Variants in MRE11 observed in about 807,000 individuals in gnomAD.
MRE11 encodes the protein MRE11 double strand break repair nuclease.
A neutral mutation model predicts 91.7 loss-of-function variants in MRE11; 62 were observed. The ratio of observed to expected loss-of-function variants is 0.68; its 90% CI spans 0.55 to 0.84. MRE11 has a LOEUF of 0.84. Among genes scored for constraint, MRE11 ranks in the 40% least tolerant of loss-of-function variants. MRE11 has a pLI of 0.00. For missense variants in MRE11, 796 were observed against 852.9 expected (o/e 0.93, Z 0.83); for synonymous variants, 273 against 271.4 (o/e 1.01, Z -0.06).
intron 18 of MRE11, among the ~76,000 whole-genome samples, chr11:94,433,917 A>G (rs1190182652): frequency 6.6e-6 from 1 of 152,190 alleles, no homozygotes; most frequent in African/African-American, 2.4e-5. Context: ...GAGGCTTTCC[A>G]TGACCATCCT....
intron 2 of MRE11, among the ~76,000 whole-genome samples, chr11:94,492,278 G>C (rs141470323): frequency 4.8e-4 from 73 of 152,272 alleles, no homozygotes; most frequent in African/African-American, 1.7e-3. Flanking sequence ...AGTAGAGACG[G>C]GGTTTCACCA....
At chr11:94,491,178 A>G (rs1472989600) in intron 2 of MRE11, among the ~76,000 whole-genome samples, 1 of 152,216 alleles carries the variant, frequency 6.6e-6, no homozygotes, top group African/African-American at 2.4e-5. Flanking sequence ...ACAAATGTAC[A>G]TAAATCTTTA....
At chr11:94,474,375 C>A (rs1946798684) in intron 7 of MRE11, among the ~76,000 whole-genome samples, 1 of 152,070 alleles carries the variant, frequency 6.6e-6, no homozygotes. Flanking sequence ...ATGGTCAAAG[C>A]TGCAACAATC....
chr11:94,464,208 C>A lies in MRE11; in HGVS notation c.1130G>T (p.Ser377Ile), dbSNP rs753536984. The A allele has an allele frequency of 6.2e-7, 1 of 1,613,952 alleles. No individual in the cohort carries two copies. Among genetic ancestry groups the A allele is most frequent in the South Asian group, 1.1e-5 (1 of 91,082 alleles). ...AAATTTCTGGCTAAAGCGAAGAACACTGAAAGGTTCAAAACCTCCACTATA... is the reference window on the plus strand; with the variant it reads ...AAATTTCTGGCTAAAGCGAAGAACAATGAAAGGTTCAAAACCTCCACTATA... ...VDYSGGFEPF[S>I]VLRFSQKFVD... The change falls in exon 11 of 20, where the codon AGT becomes ATT. Residue 377 changes from serine (S) to isoleucine (I), a missense_variant. Transcript: ENST00000323929.
At chr11:94,468,799 C>G (rs895874427) in intron 9 of MRE11, among the ~76,000 whole-genome samples, 1 of 142,494 alleles carries the variant, frequency 7.0e-6, no homozygotes, top group Non-Finnish European at 1.5e-5. Flanking sequence ...AAGTGAGAAA[C>G]TGAATTTTAA....
At chr11:94,433,321 C>T (rs183769278) in intron 18 of MRE11, among the ~76,000 whole-genome samples, 1 of 152,306 alleles carries the variant, frequency 6.6e-6, no homozygotes, top group Admixed American at 6.5e-5. Flanking sequence ...TCTGTGGATT[C>T]CCACTGCATT....
chr11:94,434,666 C>T (rs972118584), intron 18 of MRE11, among the ~76,000 whole-genome samples: 3 of 152,100 alleles, frequency 2.0e-5, no homozygotes, highest in Non-Finnish European at 4.4e-5. Context: ...CAATTTTATT[C>T]CCTCCATGAA....
chr11:94,482,912 T>C (rs1466861720), intron 4 of MRE11, among the ~76,000 whole-genome samples: 1 of 152,158 alleles, frequency 6.6e-6, no homozygotes, highest in Non-Finnish European at 1.5e-5. Context: ...CACTCCAGCT[T>C]GGGTGACAGT....
intron 3 of MRE11, among the ~76,000 whole-genome samples, chr11:94,490,069 T>C (rs1947247262): frequency 6.6e-6 from 1 of 152,220 alleles, no homozygotes. Flanking sequence ...AAAAAGCCTC[T>C]AACTGGTCTC....
intron 18 of MRE11, among the ~76,000 whole-genome samples, chr11:94,430,871 C>T (rs996670769): frequency 6.6e-6 from 1 of 152,122 alleles, no homozygotes; most frequent in African/African-American, 2.4e-5. Flanking sequence ...AAATCTAGCC[C>T]ACCACCAGGT....
In MRE11 at chr11:94,467,821, G is replaced by A. The variant is rs371077728; in HGVS notation, c.1090C>T (p.Arg364Ter). The change falls in exon 10 of 20, where the codon CGA becomes TGA. Residue 364 changes from arginine (R) to a stop codon, truncating the protein, a stop_gained. Coordinates refer to ENST00000323929, the MANE Select transcript of MRE11 (RefSeq NM_005591.4). LOFTEE classifies it high-confidence loss of function. ...ATATAAATAGGACTTACTCGCAGTC[G>A]TACAAGAGGCTTCTCTGGCTGGTGA... ...NSHQPEKPLVRLRVDYSGGFE... is the reference protein window; with the variant it reads ...NSHQPEKPLV The A allele has an allele frequency of 5.0e-5, 80 of 1,611,580 alleles. No homozygotes were observed. Among genetic ancestry groups the A allele is most frequent in the South Asian group, 1.8e-4 (16 of 91,032 alleles).
At chr11:94,440,239 T>C (rs1396557136) in intron 16 of MRE11, among the ~76,000 whole-genome samples, 1 of 152,180 alleles carries the variant, frequency 6.6e-6, no homozygotes, top group African/African-American at 2.4e-5. Context: ...TTAAAAAAAT[T>C]AGTCAAGCCA....
chr11:94,490,787 A>G, intron 3 of MRE11, 46 bp downstream of exon 3: 1 of 1,607,270 alleles, frequency 6.2e-7, no homozygotes. Flanking sequence ...TAACTTGTTA[A>G]CCAAGGGAAT....
intron 14 of MRE11, 74 bp downstream of exon 14, chr11:94,456,202 C>A: frequency 1.4e-6 from 2 of 1,419,220 alleles, no homozygotes; most frequent in South Asian, 2.4e-5. Flanking sequence ...ACTGACTATT[C>A]TAACTAAACC....
In MRE11 at chr11:94,486,100, A is replaced by C. The variant is rs371551246; in HGVS notation, c.154-16T>G. 3.2e-5 allele frequency: 51 copies of C among 1,613,058 alleles called. No individual in the cohort carries two copies. Among genetic ancestry groups the C allele is most frequent in the Non-Finnish European group, 4.2e-5 (49 of 1,179,594 alleles). ...TAAAATCCACCTGATCAACAGAAAA[A>C]GGTGTTAAAATTAGTATGTTTTACA... On this transcript the variant is annotated splice_polypyrimidine_tract_variant and intron_variant, in intron 3 of 19. Transcript: ENST00000323929.
At chr11:94,469,039 A>AC (rs1946641432) in intron 9 of MRE11, among the ~76,000 whole-genome samples, 1 of 152,196 alleles carries the variant, frequency 6.6e-6, no homozygotes, top group African/African-American at 2.4e-5. Flanking sequence ...TATAAAAAAT[A>AC]ATATAACTTA....
At chr11:94,504,258 A>G in the MRE11 span, among the ~76,000 whole-genome samples, 1 of 152,188 alleles carries the variant, frequency 6.6e-6, no homozygotes, top group Non-Finnish European at 1.5e-5. Flanking sequence ...ATTTTTATGA[A>G]GTCGATTTTT....
At chr11:94,430,424 T>G (rs541540315) in intron 18 of MRE11, among the ~76,000 whole-genome samples, 7 of 152,152 alleles carry the variant, frequency 4.6e-5, no homozygotes, top group Non-Finnish European at 1.0e-4. Flanking sequence ...ATGGGAACAT[T>G]GAAATATTTT....
Position 94,490,862 on chromosome 11 carries a change from C to T in MRE11, c.124G>A (p.Glu42Lys). 1 of 1,613,628 alleles carries T rather than the reference C, an allele frequency of 6.2e-7. No individual in the cohort carries two copies. Among genetic ancestry groups the T allele is most frequent in the Non-Finnish European group, 8.5e-7 (1 of 1,179,788 alleles). ...RGNDTFVTLDEILRLAQENEV... is the reference protein window; with the variant it reads ...RGNDTFVTLDKILRLAQENEV... ...TTTTCCTGGGCAAGTCTTAAAATTT[C>T]ATCGAGTGTTACAAACGTATCATTT... Residue 42 changes from glutamate (E) to lysine (K), a missense_variant, in exon 3 of 20, where the codon GAA (glutamate) becomes AAA (lysine). By Grantham distance (56) the Glu-to-Lys change is moderately conservative. Transcript: ENST00000323929.
Sources: gnomAD v4.1 joint callset for allele counts (sites outside exome capture counted in the v4.1 genomes callset) on GRCh38, gnomAD v4.1.1 for gene constraint, MANE v1.5 for transcripts, NCBI Gene and HGNC (gene_info 2026-07-23, HGNC 2026-07-21) for gene names.